TARDBP: variants seen among roughly 807,000 people sequenced by gnomAD.
TARDBP encodes TAR DNA binding protein, also known as TAR DNA-binding protein 43.
Under a neutral mutation model 38.3 loss-of-function variants are expected in TARDBP, and 4 were observed. That is an observed-to-expected ratio of 0.10 (90% CI 0.05 to 0.24). The LOEUF (loss-of-function observed/expected upper bound fraction) is 0.24. TARDBP is among the 10% of genes least tolerant of loss of function. The pLI is 1.00. For synonymous variants in TARDBP, 184 were observed against 183.8 expected (o/e 1.00, Z -0.01); for missense variants, 202 against 521.9 (o/e 0.39, Z 5.97).
At chr1:11,025,618 A>G (rs1042531213), downstream of TARDBP, 17 of 152,218 alleles carry the variant, frequency 1.1e-4, no homozygotes, top group African/African-American at 3.9e-4. Context: ...ATTGAGTCTC[A>G]AGAAGTTGTA....
chr1:11,019,065 C>T (rs1643584268), intron 4 of TARDBP, 192 bp downstream of exon 4: 1 of 701,592 alleles, frequency 1.4e-6, no homozygotes. Context: ...TTTATTACTT[C>T]TCCAAACTAA....
At chr1:11,018,524 T>C (rs188557363) in intron 3 of TARDBP, 1 of 657,150 alleles carries the variant, frequency 1.5e-6, no homozygotes, top group African/African-American at 1.8e-5. Context: ...AAAACATTTC[T>C]GTTGTATAAG....
chr1:11,029,193 A>C (rs926516368), downstream of TARDBP, among the ~76,000 whole-genome samples: 1 of 149,122 alleles, frequency 6.7e-6, no homozygotes, highest in African/African-American at 2.5e-5. Flanking sequence ...GTAGAGACGG[A>C]GTTTCACCAT....
chr1:11,018,595 T>A, intron 3 of TARDBP, 138 bp from the exon 4 acceptor site: 1 of 1,168,082 alleles, frequency 8.6e-7, no homozygotes, highest in Non-Finnish European at 1.3e-6. Flanking sequence ...GTTTTTACTG[T>A]TAAGACTAAC....
intron 1 of TARDBP, among the ~76,000 whole-genome samples, chr1:11,013,312 A>G (rs1012181398): frequency 2.6e-5 from 4 of 152,220 alleles, no homozygotes; most frequent in Non-Finnish European, 5.9e-5. Flanking sequence ...ACTGGGACCT[A>G]TCACGCCCAT....
intron 2 of TARDBP, among the ~76,000 whole-genome samples, chr1:11,014,840 C>T (rs1358312566): frequency 2.0e-5 from 3 of 151,976 alleles, no homozygotes; most frequent in African/African-American, 7.3e-5. Flanking sequence ...AGGAGGCAGA[C>T]GCAGGAGAAT....
chr1:11,021,527 C>G (rs1294732630), intron 5 of TARDBP, among the ~76,000 whole-genome samples: 1 of 152,196 alleles, frequency 6.6e-6, no homozygotes, highest in Non-Finnish European at 1.5e-5. Context: ...ATCCACCCCC[C>G]TCAGCCTCCC....
rs80356734 is a variant in TARDBP at position 11,022,464 on chromosome 1, A to G, written c.1055A>G (p.Asn352Ser). 2 of 1,610,986 alleles carry G rather than the reference A, an allele frequency of 1.2e-6. No individual in the cohort carries two copies. The highest frequency in any genetic ancestry group is 1.7e-6 in the Non-Finnish European group (2 of 1,177,342). ...SQQNQSGPSG[N>S]NQNQGNMQRE... Reference sequence around the variant, plus strand: ...CAGAACCAGTCAGGCCCATCGGGTAATAACCAAAACCAAGGCAACATGCAG... The same window carrying G: ...CAGAACCAGTCAGGCCCATCGGGTAGTAACCAAAACCAAGGCAACATGCAG... Residue 352 changes from asparagine (N) to serine (S), a missense_variant, in exon 6 of 6, where the codon AAT (asparagine) becomes AGT (serine). Coordinates refer to ENST00000240185, the MANE Select transcript of TARDBP (RefSeq NM_007375.4). The surrounding 1 kb of genome is among the most constrained non-coding windows in gnomAD (Gnocchi z 4.5).
Position 11,013,748 on chromosome 1 carries a change from A to T in TARDBP, c.21A>T (p.Val7=), listed in dbSNP as rs1643462500. 1 of 1,610,908 alleles carries T rather than the reference A, an allele frequency of 6.2e-7. No homozygotes were observed. Among genetic ancestry groups the T allele is most frequent in the Admixed American group, 1.7e-5 (1 of 59,180 alleles). ...AAAAGATGTCTGAATATATTCGGGT[A>T]ACCGAAGATGAGAACGATGAGCCCA... is the stretch of plus-strand genomic sequence containing the variant. MSEYIR[V]TEDENDEPIE... Residue 7 remains valine, a synonymous_variant, in exon 2 of 6, where the codon GTA becomes GTT. Transcript: ENST00000240185.
chr1:11,028,862 C>T (rs866859322), downstream of TARDBP, among the ~76,000 whole-genome samples: 26 of 145,780 alleles, frequency 1.8e-4, no homozygotes, highest in South Asian at 2.2e-4. Context: ...TACAGGCACA[C>T]GCCACCACAC....
At chr1:11,019,117 A>G in intron 4 of TARDBP, 1 of 538,368 alleles carries the variant, frequency 1.9e-6, no homozygotes, top group Non-Finnish European at 3.3e-6. Context: ...ATGGATGGAA[A>G]AGAGAAAAGG....
At chr1:11,016,629 T>G (rs568982193) in intron 2 of TARDBP, among the ~76,000 whole-genome samples, 1 of 152,332 alleles carries the variant, frequency 6.6e-6, no homozygotes, top group Admixed American at 6.5e-5. Flanking sequence ...AAAACAAACT[T>G]GGAAATCACT....
In TARDBP at chr1:11,013,705, T is replaced by C. The variant is rs749647867; in HGVS notation, c.-12-11T>C. 4.4e-6 allele frequency: 7 copies of C among 1,578,916 alleles called. No individual in the cohort carries two copies. The highest frequency in any genetic ancestry group is 4.0e-5 in the African/African-American group (3 of 74,396). ...ATGAATGTTGTTCATTCATATCTCT[T>C]TTCTCTTTAGGAAAAGTAAAAGATG... On this transcript the variant is annotated splice_polypyrimidine_tract_variant and intron_variant, in intron 1 of 5. Transcript: ENST00000240185.
chr1:11,013,572 T>C (rs1643457414), intron 1 of TARDBP, 144 bp from the exon 2 acceptor site: 1 of 684,222 alleles, frequency 1.5e-6, no homozygotes, highest in Non-Finnish European at 2.5e-6. Flanking sequence ...ACCTCGTCAT[T>C]TTTCAGGGAT....
At chr1:11,013,152 G>C (rs1458740145) in intron 1 of TARDBP, among the ~76,000 whole-genome samples, 7 of 152,244 alleles carry the variant, frequency 4.6e-5, no homozygotes, top group Admixed American at 4.6e-4. Context: ...AGGACCTGTC[G>C]CCGCGGGCCT....
chr1:11,030,243 A>G (rs748156476), downstream of TARDBP: 8 of 1,612,670 alleles, frequency 5.0e-6, no homozygotes, highest in Non-Finnish European at 6.8e-6. Context: ...CCTCACACAC[A>G]TATTTACCTG....
downstream of TARDBP, chr1:11,030,464 G>T: frequency 1.7e-6 from 1 of 581,228 alleles, no homozygotes; most frequent in East Asian, 2.9e-5. Flanking sequence ...ACTTGAATAT[G>T]TATCAAGATC....
At chr1:11,013,201 T>C (rs1241673440) in intron 1 of TARDBP, among the ~76,000 whole-genome samples, 1 of 152,182 alleles carries the variant, frequency 6.6e-6, no homozygotes, top group Admixed American at 6.5e-5. Flanking sequence ...AGCCCCAAAA[T>C]GAGGAACAGA....
chr1:11,018,747 T>G lies in TARDBP; in HGVS notation c.417T>G (p.Leu139=), dbSNP rs1643578989. 1 of 1,614,088 alleles carries G rather than the reference T, an allele frequency of 6.2e-7. No homozygotes were observed. The highest frequency in any genetic ancestry group is 8.5e-7 in the Non-Finnish European group (1 of 1,180,044). The change falls in exon 4 of 6, where the codon CTT becomes CTG. Residue 139 remains leucine (L), a synonymous_variant. Transcript: ENST00000240185. The part of the protein sequence containing the change: ...EVLMVQVKKD[L]KTGHSKGFGF... ...ATCCTTTCTAGGTCAAGAAAGATCT[T>G]AAGACTGGTCATTCAAAGGGGTTTG... is the stretch of plus-strand genomic sequence containing the variant.
Sources: gnomAD v4.1 joint callset for allele counts (sites outside exome capture counted in the v4.1 genomes callset) on GRCh38, gnomAD v4.1.1 for gene constraint, Gnocchi (gnomAD v3.1) non-coding constraint, MANE v1.5 for transcripts, NCBI Gene and HGNC (gene_info 2026-07-23, HGNC 2026-07-21) for gene names.